CDON: variants seen among roughly 807,000 people sequenced by gnomAD.
The protein encoded by CDON is cell adhesion associated, oncogene regulated.
In CDON, 73 loss-of-function variants were observed where a neutral mutation model predicts 120.9. The observed-to-expected ratio is 0.60, with a 90% CI of 0.50 to 0.73. The LOEUF is 0.73. CDON is among the 30% of genes least tolerant of loss of function. The probability of loss-of-function intolerance (pLI) is 0.00; values close to 1 mark genes in which losing one functional copy is unlikely to be tolerated. For missense variants in CDON, 1,470 were observed against 1,587.3 expected (o/e 0.93, Z 1.26); for synonymous variants, 566 against 573.5 (o/e 0.99, Z 0.19).
intron 14 of CDON, among the ~76,000 whole-genome samples, chr11:125,993,393 GTGCACA>G (rs1360737975): frequency 1.5e-5 from 1 of 65,724 alleles, no homozygotes; most frequent in East Asian, 5.3e-4. Flanking sequence ...GCGCGCGTGC[GTGCACA>G]CACACACACA....
intron 1 of CDON, among the ~76,000 whole-genome samples, chr11:126,035,355 T>C (rs758260620): frequency 6.6e-6 from 1 of 152,210 alleles, no homozygotes; most frequent in Non-Finnish European, 1.5e-5. Context: ...TATCTTACCG[T>C]CAAGTTACGA....
At chr11:125,973,726 T>C (rs1039725073) in intron 18 of CDON, among the ~76,000 whole-genome samples, 8 of 152,166 alleles carry the variant, frequency 5.3e-5, no homozygotes, top group African/African-American at 1.7e-4. Context: ...AATGGTCCCC[T>C]TTGCCTGGAA....
intron 3 of CDON, among the ~76,000 whole-genome samples, chr11:126,020,716 G>A (rs867080759): frequency 2.0e-5 from 3 of 152,158 alleles, no homozygotes; most frequent in Admixed American, 6.6e-5. Context: ...CAGATTTTCC[G>A]TAAGTTCAAT....
At chr11:125,980,599 C>A (rs556946435) in intron 17 of CDON, among the ~76,000 whole-genome samples, 1 of 152,308 alleles carries the variant, frequency 6.6e-6, no homozygotes, top group Admixed American at 6.5e-5. Flanking sequence ...AAGTGTCAAA[C>A]CGCGGCTGCT....
chr11:126,058,810 GA>G (rs1170445137), intron 1 of CDON, among the ~76,000 whole-genome samples: 1 of 152,180 alleles, frequency 6.6e-6, no homozygotes, highest in African/African-American at 2.4e-5. Flanking sequence ...TGAGGCAGGG[GA>G]AAAGGGACTT....
chr11:126,025,506 G>A (rs751323259), intron 1 of CDON, among the ~76,000 whole-genome samples: 23 of 150,142 alleles, frequency 1.5e-4, no homozygotes, highest in Non-Finnish European at 3.1e-4. Context: ...ACAAATGGTA[G>A]TCAAGAGATG....
Position 125,959,260 on chromosome 11 carries a change from C to A in CDON, c.*1682G>T, listed in dbSNP as rs1945573232. 2 of 152,186 alleles carry A rather than the reference C, an allele frequency of 1.3e-5. No individual in the cohort carries two copies. Among genetic ancestry groups the A allele is most frequent in the South Asian group, 4.1e-4 (2 of 4,832 alleles). The allele number at this position is 152,186 out of a possible 1,614,324, so 9.4% of individuals were successfully genotyped here. A position where few individuals can be genotyped will look rare whatever the true frequency, so the allele number is the denominator to read the frequency against. On this transcript the variant is annotated 3_prime_UTR_variant, in exon 20 of 20. Transcript: ENST00000531738. Reference sequence around the variant, plus strand: ...AAGTTGGTTAACACAGTATTGTATTCTATTCCACTGCGATTTCTGGGAAAC... The same window carrying A: ...AAGTTGGTTAACACAGTATTGTATTATATTCCACTGCGATTTCTGGGAAAC...
intron 19 of CDON, 29 bp from the exon 20 acceptor site, chr11:125,961,134 A>T (rs772220813): frequency 6.2e-7 from 1 of 1,605,462 alleles, no homozygotes; most frequent in South Asian, 1.1e-5. Flanking sequence ...TGGGAGCATT[A>T]TCAAATGATA....
intron 18 of CDON, among the ~76,000 whole-genome samples, chr11:125,977,143 T>C (rs1319344201): frequency 1.3e-5 from 2 of 152,156 alleles, no homozygotes; most frequent in African/African-American, 4.8e-5. Context: ...AAGACAAAAA[T>C]GTGGTTTCAA....
chr11:125,991,115 TA>T (rs1295651242), intron 14 of CDON, among the ~76,000 whole-genome samples: 1 of 152,206 alleles, frequency 6.6e-6, no homozygotes, highest in East Asian at 1.9e-4. Context: ...ATAGCGTTCA[TA>T]AAAATGGCAT....
intron 18 of CDON, among the ~76,000 whole-genome samples, chr11:125,971,223 A>AAATGTAGAGAAACCCCGTCTCT (rs1945978633): frequency 6.6e-6 from 1 of 151,966 alleles, no homozygotes; most frequent in Non-Finnish European, 1.5e-5. Flanking sequence ...CTCTACTAAA[A>AAATGTAGAGAAACCCCGTCTCT]ACATAAAAAA....
At chr11:126,051,397 T>C (rs188678617) in intron 1 of CDON, among the ~76,000 whole-genome samples, 1 of 152,330 alleles carries the variant, frequency 6.6e-6, no homozygotes, top group African/African-American at 2.4e-5. Context: ...GAGGGTGGAA[T>C]GCATTAGCCT....
intron 1 of CDON, among the ~76,000 whole-genome samples, chr11:126,037,885 T>C (rs1948143871): frequency 6.6e-6 from 1 of 152,148 alleles, no homozygotes; most frequent in Non-Finnish European, 1.5e-5. Context: ...ACAACTGCTA[T>C]GTGTAAATGA....
chr11:125,982,915 T>A (rs1946354372), intron 16 of CDON, among the ~76,000 whole-genome samples: 1 of 152,156 alleles, frequency 6.6e-6, no homozygotes, highest in Non-Finnish European at 1.5e-5. Flanking sequence ...GGCGATGGCA[T>A]TAAAACCACT....
chr11:126,011,144 T>A (rs914367206), intron 7 of CDON, among the ~76,000 whole-genome samples: 1 of 152,034 alleles, frequency 6.6e-6, no homozygotes, highest in African/African-American at 2.4e-5. Context: ...ATAAAAAGCG[T>A]GGGAGAAAAA....
At chr11:125,964,851 ACT>A (rs1945746060) in intron 18 of CDON, among the ~76,000 whole-genome samples, 1 of 152,172 alleles carries the variant, frequency 6.6e-6, no homozygotes, top group South Asian at 2.1e-4. Flanking sequence ...AGGAAGAAGG[ACT>A]CTAATATCAA....
At chr11:125,990,476 C>T (rs1946605194) in intron 14 of CDON, among the ~76,000 whole-genome samples, 1 of 152,174 alleles carries the variant, frequency 6.6e-6, no homozygotes, top group African/African-American at 2.4e-5. Context: ...GTAGAAATCA[C>T]TCTTCATGTT....
rs764856806 is a variant in CDON at position 126,004,079 on chromosome 11, G to A, written c.1852-3C>T. ...AGCATGCCAACCCCATCATCCAGCT[G>A]CCCAAGAGAAAACACACCAGAAAAG... On this transcript the variant is annotated splice_polypyrimidine_tract_variant and splice_region_variant and intron_variant, in intron 9 of 19. Transcript: ENST00000531738. 1.9e-6 allele frequency: 3 copies of A among 1,613,512 alleles called. No homozygotes were observed. Among genetic ancestry groups the A allele is most frequent in the Admixed American group, 1.7e-5 (1 of 59,954 alleles).
Position 126,029,326 on chromosome 11 carries a change from C to T in CDON, c.-61-5789G>A, listed in dbSNP as rs199537315. 9.9e-5 allele frequency among the ~76,000 whole-genome samples: 15 copies of T among 152,234 alleles called. No individual in the cohort carries two copies. The East Asian group carries it at 2.1e-3, about 22-fold the overall frequency. On this transcript the variant is annotated intron_variant, in intron 1 of 19. Coordinates refer to ENST00000531738, the MANE Select transcript of CDON (RefSeq NM_001378964.1). ...TTGAACTTCCAATGACAAAAAACAA[C>T]GTGGACACAAAATCTCGCTTTTTAC...
Sources: gnomAD v4.1 joint callset for allele counts (sites outside exome capture counted in the v4.1 genomes callset) on GRCh38, gnomAD v4.1.1 for gene constraint, MANE v1.5 for transcripts, NCBI Gene and HGNC (gene_info 2026-07-23, HGNC 2026-07-21) for gene names.